Variants in COLQ observed in about 807,000 individuals in gnomAD.
The protein encoded by COLQ is collagen like tail subunit of asymmetric acetylcholinesterase.
COLQ carries 48 observed loss-of-function variants against 69.0 expected under a neutral mutation model. That is an observed-to-expected ratio of 0.70 (90% CI 0.55 to 0.88). COLQ has a LOEUF of 0.88. Among genes scored for constraint, COLQ ranks in the 40% least tolerant of loss-of-function variants. The pLI is 0.00. For synonymous variants in COLQ, 217 were observed against 211.2 expected (o/e 1.03, Z -0.24); for missense variants, 618 against 594.6 (o/e 1.04, Z -0.41).
chr3:15,507,479 G>T (rs570986695), intron 1 of COLQ, among the ~76,000 whole-genome samples: 1 of 152,262 alleles, frequency 6.6e-6, no homozygotes, highest in South Asian at 2.1e-4. Flanking sequence ...GGTGAAAAGT[G>T]GGTCTCACTC....
At chr3:15,513,939 C>T (rs950872350) in intron 1 of COLQ, among the ~76,000 whole-genome samples, 1 of 152,128 alleles carries the variant, frequency 6.6e-6, no homozygotes, top group Non-Finnish European at 1.5e-5. Context: ...TGGGTGGCCC[C>T]TAAATACAAC....
rs77027767 is a variant in COLQ at position 15,456,406 on chromosome 3, A to T, written c.1074+54T>A. ...GGGTGGCCTTCCCTTCCTTTAATGG[A>T]TGCATCTCTCTCCTGGGCAGGGAGT... On this transcript the variant is annotated intron_variant, in intron 14 of 16. Transcript: ENST00000383788. 275 of 1,609,014 alleles carry T rather than the reference A, an allele frequency of 1.7e-4. 3 individuals are homozygous for T. The East Asian group carries it at 6.0e-3, about 35-fold the overall frequency.
intron 16 of COLQ, among the ~76,000 whole-genome samples, chr3:15,452,796 A>G (rs1471243603): frequency 6.6e-6 from 1 of 152,202 alleles, no homozygotes; most frequent in Non-Finnish European, 1.5e-5. Context: ...ACAGGTCTGT[A>G]GTTCTCCCAG....
intron 3 of COLQ, among the ~76,000 whole-genome samples, chr3:15,483,701 T>C (rs2062528302): frequency 6.6e-6 from 1 of 152,116 alleles, no homozygotes; most frequent in Non-Finnish European, 1.5e-5. Context: ...TGACTTGGGG[T>C]GGAGAGTTCT....
chr3:15,478,783 C>T, intron 5 of COLQ, 194 bp downstream of exon 5: 1 of 697,922 alleles, frequency 1.4e-6, no homozygotes, highest in Non-Finnish European at 2.5e-6. Flanking sequence ...GTAGCAGGCT[C>T]CTGCTCCTGA....
intron 1 of COLQ, among the ~76,000 whole-genome samples, chr3:15,508,433 T>A (rs1416312104): frequency 6.6e-6 from 1 of 152,234 alleles, no homozygotes; most frequent in Non-Finnish European, 1.5e-5. Flanking sequence ...ATGGGTTGTC[T>A]CCCTGTCTTG....
intron 11 of COLQ, among the ~76,000 whole-genome samples, chr3:15,467,563 A>G (rs898335088): frequency 2.6e-5 from 4 of 152,284 alleles, no homozygotes; most frequent in African/African-American, 7.2e-5. Context: ...GAGTATCAAG[A>G]GCAAAGACTG....
In COLQ at chr3:15,478,996, A is replaced by G; in HGVS notation, c.374T>C (p.Leu125Pro). 2 of 1,614,204 alleles carry G rather than the reference A, an allele frequency of 1.2e-6. No homozygotes were observed. Among genetic ancestry groups the G allele is most frequent in the Non-Finnish European group, 1.7e-6 (2 of 1,180,030 alleles). ...CCATACCTTCCTTCCTGGTCGGCCA[A>G]GCTCCCCCTATGGATGGAGAAGACA... The part of the protein sequence containing the change: ...KTGPKGEKGE[L>P]GRPGRKGRPG... The change falls in exon 5 of 17, where the codon CTT (leucine) becomes CCT (proline). Residue 125 changes from leucine to proline, a missense_variant. Transcript: ENST00000383788.
intron 1 of COLQ, among the ~76,000 whole-genome samples, chr3:15,501,382 T>C (rs901163314): frequency 6.6e-6 from 1 of 152,164 alleles, no homozygotes; most frequent in Non-Finnish European, 1.5e-5. Flanking sequence ...CTGCTGTGTC[T>C]CCCACCACTA....
chr3:15,472,484 G>A (rs2062304170), intron 10 of COLQ, among the ~76,000 whole-genome samples: 1 of 152,130 alleles, frequency 6.6e-6, no homozygotes, highest in Non-Finnish European at 1.5e-5. Context: ...AAACTTTAAG[G>A]TGAACTTTTA....
At chr3:15,500,940 A>G (rs918127379) in intron 1 of COLQ, among the ~76,000 whole-genome samples, 1 of 152,176 alleles carries the variant, frequency 6.6e-6, no homozygotes, top group East Asian at 1.9e-4. Context: ...TAGATGTACA[A>G]TGAAAGCCTT....
chr3:15,490,007 T>C (rs950073079), intron 1 of COLQ, among the ~76,000 whole-genome samples: 1 of 152,206 alleles, frequency 6.6e-6, no homozygotes. Flanking sequence ...CTAATAACTT[T>C]AATATTGTAC....
intron 3 of COLQ, among the ~76,000 whole-genome samples, chr3:15,483,274 T>G (rs992913283): frequency 6.6e-6 from 1 of 152,214 alleles, no homozygotes. Context: ...GTGTTTGCTC[T>G]TGCTTCTCTA....
At chr3:15,520,649 T>A (rs868629843) in intron 1 of COLQ, among the ~76,000 whole-genome samples, 8 of 152,192 alleles carry the variant, frequency 5.3e-5, no homozygotes, top group South Asian at 4.1e-4. Context: ...CCTGCCTCCT[T>A]CAAGCCCTCC....
intron 11 of COLQ, among the ~76,000 whole-genome samples, chr3:15,470,001 A>T (rs181057769): frequency 6.6e-6 from 1 of 152,192 alleles, no homozygotes. Context: ...GGCTTAACAC[A>T]AGAGCCTGCT....
chr3:15,521,444 A>C, intron 1 of COLQ, 76 bp downstream of exon 1: 2 of 1,581,990 alleles, frequency 1.3e-6, no homozygotes, highest in Non-Finnish European at 1.7e-6. Flanking sequence ...ACATCAGGAC[A>C]CATTGCAAAA....
intron 1 of COLQ, among the ~76,000 whole-genome samples, chr3:15,511,443 A>G (rs1057496273): frequency 1.3e-5 from 2 of 152,218 alleles, no homozygotes; most frequent in Non-Finnish European, 2.9e-5. Flanking sequence ...GCCAGAGCAG[A>G]TACTCTGGGG....
intron 3 of COLQ, among the ~76,000 whole-genome samples, chr3:15,479,785 G>C (rs2062447140): frequency 6.6e-6 from 1 of 152,146 alleles, no homozygotes; most frequent in African/African-American, 2.4e-5. Flanking sequence ...AAACTTCCCT[G>C]GGGGCCTGAC....
intron 1 of COLQ, among the ~76,000 whole-genome samples, chr3:15,511,507 T>C (rs1036427639): frequency 5.3e-5 from 8 of 152,112 alleles, no homozygotes; most frequent in African/African-American, 1.9e-4. Flanking sequence ...CCTTCAATCC[T>C]CACTTTCTAC....
Sources: gnomAD v4.1 joint callset for allele counts (sites outside exome capture counted in the v4.1 genomes callset) on GRCh38, gnomAD v4.1.1 for gene constraint, MANE v1.5 for transcripts, NCBI Gene and HGNC (gene_info 2026-07-23, HGNC 2026-07-21) for gene names.